NRSN1: variants seen among roughly 807,000 people sequenced by gnomAD.
NRSN1 encodes neurensin 1.
NRSN1 carries 14 observed loss-of-function variants against 17.3 expected under a neutral mutation model. The ratio of observed to expected loss-of-function variants is 0.81; its 90% CI spans 0.54 to 1.27. The LOEUF is 1.27. NRSN1 is among the 50% of genes most tolerant of loss of function. NRSN1 has a pLI of 0.00. For missense variants in NRSN1, 209 were observed against 235.9 expected (o/e 0.89, Z 0.75); for synonymous variants, 79 against 94.2 (o/e 0.84, Z 0.93).
chr6:24,134,078 A>T (rs143220652), intron 2 of NRSN1, among the ~76,000 whole-genome samples: 2,862 of 149,834 alleles, frequency 0.019, 83 homozygotes, highest in African/African-American at 0.066. Context: ...GTTAGCCAGG[A>T]TGGTCTCCAT....
In NRSN1 at chr6:24,134,004, TTGTGTG is replaced by T. The variant is rs71002461; in HGVS notation, c.-9-283_-9-278del. Among the ~76,000 whole-genome samples, 516 of 132,946 alleles carry T rather than the reference TTGTGTG, an allele frequency of 3.9e-3. 3 individuals carry two copies. Among genetic ancestry groups the T allele is most frequent in the African/African-American group, 0.013 (449 of 34,302 alleles). 87.2% of individuals were successfully genotyped at this position (132,946 alleles called of 152,430 possible). A position where few individuals can be genotyped will look rare whatever the true frequency, so the allele number is the denominator to read the frequency against. ...GGTGCCCACCACCACACCCAGCTAATTGTGTGTGTGTGTGTGTGTGTGTGTGTGTGT... is the reference window on the plus strand; with the variant it reads ...GGTGCCCACCACCACACCCAGCTAATTGTGTGTGTGTGTGTGTGTGTGTGT... On this transcript the variant is annotated intron_variant, in intron 2 of 3. Coordinates refer to ENST00000378491, the MANE Select transcript of NRSN1 (RefSeq NM_080723.5).
At chr6:24,133,394 C>T (rs2113712763) in intron 2 of NRSN1, among the ~76,000 whole-genome samples, 1 of 152,304 alleles carries the variant, frequency 6.6e-6, no homozygotes, top group East Asian at 1.9e-4. Flanking sequence ...TGCTCAGCAG[C>T]TTTTTAATAA....
Position 24,145,479 on chromosome 6 carries a change from T to G in NRSN1, c.190-69T>G. ...TCAAGAAACAAGACAAGTGCTGCCC[T>G]TGAGGGCTCAGGGGCGAGCCGAAGC... On this transcript the variant is annotated intron_variant, in intron 3 of 3. Coordinates refer to ENST00000378491, the MANE Select transcript of NRSN1 (RefSeq NM_080723.5). The surrounding 1 kb of genome is among the most constrained non-coding windows in gnomAD (Gnocchi z 4.4). 7 of 1,224,708 alleles carry G rather than the reference T, an allele frequency of 5.7e-6. No individual in the cohort carries two copies. The South Asian group carries it at 1.1e-4, about 19-fold the overall frequency. The allele number at this position is 1,224,708 out of a possible 1,614,324, so 75.9% of individuals were successfully genotyped here. A position where few individuals can be genotyped will look rare whatever the true frequency, so the allele number is the denominator to read the frequency against.
rs796084803 is a variant in NRSN1, at chr6:24,144,649, A to G, written c.190-899A>G. Among the ~76,000 whole-genome samples, 75 of 152,296 alleles carry G rather than the reference A, an allele frequency of 4.9e-4. 2 individuals are homozygous for G. The highest frequency in any genetic ancestry group is 1.7e-3 in the African/African-American group (69 of 41,566). On this transcript the variant is annotated intron_variant, in intron 3 of 3. Coordinates refer to ENST00000378491, the MANE Select transcript of NRSN1 (RefSeq NM_080723.5). The stretch of plus-strand genomic sequence containing the variant: ...TGAGAAAGAAGTAGGTGTCATTCAT[A>G]TTAGCCAGGAGCGGGGGTCATGTCG...
chr6:24,132,772 A>T (rs991204363), intron 2 of NRSN1, among the ~76,000 whole-genome samples: 8 of 152,116 alleles, frequency 5.3e-5, no homozygotes, highest in African/African-American at 1.9e-4. Flanking sequence ...GATGTGTTGC[A>T]CCCATCAACC....
Position 24,145,493 on chromosome 6 carries a change from G to A in NRSN1, c.190-55G>A. On this transcript the variant is annotated intron_variant, in intron 3 of 3. Coordinates refer to ENST00000378491, the MANE Select transcript of NRSN1 (RefSeq NM_080723.5). The surrounding 1 kb of genome is among the most constrained non-coding windows in gnomAD (Gnocchi z 4.4). ...AAGTGCTGCCCTTGAGGGCTCAGGG[G>A]CGAGCCGAAGCACCTTCCTCACTCT... The A allele has an allele frequency of 7.1e-7, 1 of 1,418,428 alleles. No individual in the cohort carries two copies. The highest frequency in any genetic ancestry group is 9.5e-7 in the Non-Finnish European group (1 of 1,050,382). The allele number at this position is 1,418,428 out of a possible 1,614,324, so 87.9% of individuals were successfully genotyped here. A position where few individuals can be genotyped will look rare whatever the true frequency, so the allele number is the denominator to read the frequency against.
intron 2 of NRSN1, among the ~76,000 whole-genome samples, chr6:24,132,702 G>A (rs1029638726): frequency 6.6e-5 from 10 of 152,048 alleles, no homozygotes; most frequent in Non-Finnish European, 1.2e-4. Flanking sequence ...TATACTTTAA[G>A]TTCTGGGATA....
chr6:24,131,440 T>C (rs1271850465), intron 2 of NRSN1, among the ~76,000 whole-genome samples: 6 of 152,200 alleles, frequency 3.9e-5, no homozygotes, highest in Non-Finnish European at 8.8e-5. Context: ...CCCTTTTTCA[T>C]GTTAAAGTCT....
intron 3 of NRSN1, among the ~76,000 whole-genome samples, chr6:24,136,774 A>G (rs1411983788): frequency 6.6e-6 from 1 of 152,166 alleles, no homozygotes; most frequent in Non-Finnish European, 1.5e-5. Context: ...TCTATTTTGC[A>G]CAAACAAGAT....
chr6:24,127,987 G>C (rs1256519517), intron 1 of NRSN1, 141 bp from the exon 2 acceptor site: 4 of 152,166 alleles, frequency 2.6e-5, no homozygotes, highest in African/African-American at 9.7e-5. Context: ...TTTTTAGAAA[G>C]CTATCTCAAT....
At chr6:24,141,521 G>T (rs1008780492) in intron 3 of NRSN1, 1 of 157,646 alleles carries the variant, frequency 6.3e-6, no homozygotes, top group Non-Finnish European at 1.4e-5. Context: ...CAGAAGCCTT[G>T]AAGTCAGCTG....
chr6:24,137,273 T>C (rs1170764137), intron 3 of NRSN1, among the ~76,000 whole-genome samples: 2 of 152,240 alleles, frequency 1.3e-5, no homozygotes, highest in African/African-American at 4.8e-5. Context: ...AGTTAGAATC[T>C]TTATTGCATG....
chr6:24,137,430 G>T (rs1431955252), intron 3 of NRSN1, among the ~76,000 whole-genome samples: 1 of 152,040 alleles, frequency 6.6e-6, no homozygotes, highest in African/African-American at 2.4e-5. Context: ...ATATGAAGAA[G>T]ATCTTTTCTT....
intron 3 of NRSN1, among the ~76,000 whole-genome samples, chr6:24,143,553 G>C (rs12190150): frequency 0.42 from 64,528 of 151,978 alleles, 15,704 homozygotes; most frequent in Non-Finnish European, 0.53. Context: ...AAATATTAAA[G>C]ATTAATTTAT....
Position 24,146,326 on chromosome 6 carries a change from A to G in NRSN1, c.*380A>G. ...TTTATTTTCTAATATTGGTTTATCT[A>G]ATGTTTTCTGCGTGGTGCTGTCTTC... is the stretch of plus-strand genomic sequence containing the variant. On this transcript the variant is annotated 3_prime_UTR_variant, in exon 4 of 4. Coordinates refer to ENST00000378491, the MANE Select transcript of NRSN1 (RefSeq NM_080723.5). The G allele has an allele frequency of 2.0e-6, 1 of 491,036 alleles. No individual in the cohort carries two copies. Among genetic ancestry groups the G allele is most frequent in the South Asian group, 1.5e-5 (1 of 64,614 alleles). The allele number at this position is 491,036 out of a possible 1,614,324, so 30.4% of individuals were successfully genotyped here.
At chr6:24,137,718 T>C (rs968619625) in intron 3 of NRSN1, among the ~76,000 whole-genome samples, 2 of 152,092 alleles carry the variant, frequency 1.3e-5, no homozygotes, top group Non-Finnish European at 2.9e-5. Flanking sequence ...GAGTATGATG[T>C]TCCCCTTCCT....
At chr6:24,137,450 A>G (rs1760133376) in intron 3 of NRSN1, among the ~76,000 whole-genome samples, 1 of 152,154 alleles carries the variant, frequency 6.6e-6, no homozygotes. Context: ...TCACCTCTGA[A>G]TAAGATATAG....
At chr6:24,142,736 G>A (rs545362900) in intron 3 of NRSN1, among the ~76,000 whole-genome samples, 1 of 152,170 alleles carries the variant, frequency 6.6e-6, no homozygotes, top group South Asian at 2.1e-4. Context: ...CAAGAATGAG[G>A]CCGCAGACCC....
chr6:24,138,945 C>T (rs764084727), intron 3 of NRSN1, among the ~76,000 whole-genome samples: 11 of 152,188 alleles, frequency 7.2e-5, no homozygotes, highest in African/African-American at 1.2e-4. Context: ...CTAACATGTA[C>T]ATTACCTCAC....
Sources: gnomAD v4.1 joint callset for allele counts (sites outside exome capture counted in the v4.1 genomes callset) on GRCh38, gnomAD v4.1.1 for gene constraint, Gnocchi (gnomAD v3.1) non-coding constraint, MANE v1.5 for transcripts, NCBI Gene and HGNC (gene_info 2026-07-23, HGNC 2026-07-21) for gene names.